Variants in MYO7B observed in about 807,000 individuals in gnomAD.
The protein encoded by MYO7B is myosin VIIB.
Under a neutral mutation model 259.7 loss-of-function variants are expected in MYO7B, and 212 were observed. That is an observed-to-expected ratio of 0.82 (90% confidence interval 0.73 to 0.91). The LOEUF (loss-of-function observed/expected upper bound fraction) is 0.91, where lower values mean the gene tolerates loss of function less well. MYO7B is among the 40% of genes least tolerant of loss of function. The pLI, the probability that MYO7B is intolerant of heterozygous loss-of-function variation, is 0.00. For missense variants in MYO7B, 2,732 were observed against 2,813.5 expected (o/e 0.97, Z 0.66); for synonymous variants, 1,197 against 1,166.4 (o/e 1.03, Z -0.54).
Position 127,636,834 on chromosome 2 carries a change from G to A in MYO7B, c.6248G>A (p.Trp2083Ter). ...TTYPFTKISS[W>*]SSGSTYFHMA... Reference sequence around the variant, plus strand: ...TATCCCTTCACCAAGATCTCCAGCTGGAGCAGCGGCAGCACCTACTTCCAC... The same window carrying A: ...TATCCCTTCACCAAGATCTCCAGCTAGAGCAGCGGCAGCACCTACTTCCAC... The change falls in exon 47 of 48, where the codon TGG becomes TAG. Residue 2083 changes from tryptophan (W) to a stop codon, truncating the protein, a stop_gained. Transcript: ENST00000409816. LOFTEE classifies it high-confidence loss of function. The surrounding 1 kb of genome is among the most constrained non-coding windows in gnomAD (Gnocchi z 4.5). 2 of 1,613,558 alleles carry A rather than the reference G, an allele frequency of 1.2e-6. No individual in the cohort carries two copies. Among genetic ancestry groups the A allele is most frequent in the Non-Finnish European group, 1.7e-6 (2 of 1,179,846 alleles).
intron 12 of MYO7B, among the ~76,000 whole-genome samples, chr2:127,583,275 G>A (rs1164619986): frequency 2.6e-5 from 4 of 152,224 alleles, no homozygotes; most frequent in African/African-American, 9.6e-5. Context: ...GAGTGATTTA[G>A]AAGGGCCCCC....
Position 127,628,468 on chromosome 2 carries a change from C to T in MYO7B, c.4557C>T (p.Ala1519=). The T allele has an allele frequency of 6.4e-7, 1 of 1,562,520 alleles. No homozygotes were observed. The highest frequency in any genetic ancestry group is 8.7e-7 in the Non-Finnish European group (1 of 1,154,700). ...GTGTGGCCATCGCTGAGCTGGTGGCCCTGTTCCTGGAGGGCCTGAAGGAGA... is the reference window on the plus strand; with the variant it reads ...GTGTGGCCATCGCTGAGCTGGTGGCTCTGTTCCTGGAGGGCCTGAAGGAGA... ...PSSVAIAELV[A]LFLEGLKERS... Residue 1519 remains alanine, a synonymous_variant, in exon 34 of 48, where the codon GCC becomes GCT. Transcript: ENST00000409816. The surrounding 1 kb of genome is among the most constrained non-coding windows in gnomAD (Gnocchi z 4.8).
In MYO7B at chr2:127,631,299, G is replaced by C; in HGVS notation, c.5031G>C (p.Gln1677His). Reference sequence around the variant, plus strand: ...CCTATTCCTGCGAGCCGCTGCGACAGCCGCTGCTCAAGCGAGTCCACGCCA... The same window carrying C: ...CCTATTCCTGCGAGCCGCTGCGACACCCGCTGCTCAAGCGAGTCCACGCCA... ...LWAYSCEPLR[Q>H]PLLKRVHANV... is the part of the protein sequence containing the mutation. Residue 1677 changes from glutamine to histidine, a missense_variant, in exon 37 of 48, where the codon CAG becomes CAC. Gln to His is a conservative substitution (Grantham distance 24). This residue lies in a region of MYO7B where 821 missense variants were observed against 769.3 expected (regional missense o/e 1.07). Transcript: ENST00000409816. 1.9e-6 allele frequency: 3 copies of C among 1,612,306 alleles called. No homozygotes were observed. The highest frequency in any genetic ancestry group is 2.5e-6 in the Non-Finnish European group (3 of 1,179,450).
intron 1 of MYO7B, among the ~76,000 whole-genome samples, chr2:127,537,898 C>T (rs181339772): frequency 2.6e-5 from 4 of 152,282 alleles, no homozygotes; most frequent in Admixed American, 6.5e-5. Flanking sequence ...CGGCAGAAGA[C>T]GAGCTCAGGA....
Position 127,612,615 on chromosome 2 carries a change from C to T in MYO7B, c.3398+12C>T, listed in dbSNP as rs372459586. On this transcript the variant is annotated intron_variant, in intron 26 of 47. Transcript: ENST00000409816. ...CGGCCCAGCCTCAGGTCAGTTCCCA[C>T]TCCCATCCCGGCCCCATTCAGAGCA... The T allele has an allele frequency of 6.8e-6, 11 of 1,609,142 alleles. No homozygotes were observed. The African/African-American group carries it at 1.5e-4, about 22-fold the overall frequency.
At position 127,582,017 on chromosome 2, in the gene MYO7B, A is replaced by G. The variant is rs375149102; in HGVS notation, c.1200+7A>G. 1 of 1,613,580 alleles carries G rather than the reference A, an allele frequency of 6.2e-7. No homozygotes were observed. On this transcript the variant is annotated splice_region_variant and intron_variant, in intron 11 of 47. Coordinates refer to ENST00000409816, the MANE Select transcript of MYO7B (RefSeq NM_001393586.1). ...GAGGGACGCCTTTGTCAAGGTACAG[A>G]GCTGAGAGAGCAGGGCTTACATGGC...
At chr2:127,625,315 G>A (rs548050947) in intron 30 of MYO7B, 53 bp from the exon 31 acceptor site, 27 of 1,445,868 alleles carry the variant, frequency 1.9e-5, no homozygotes, top group Non-Finnish European at 2.4e-5. Flanking sequence ...CCTGGGGAAG[G>A]GGGGAGCTCT....
At position 127,615,495 on chromosome 2, in the gene MYO7B, T is replaced by C. The variant is rs1680536796; in HGVS notation, c.3398+2892T>C. On this transcript the variant is annotated intron_variant, in intron 26 of 47. Transcript: ENST00000409816. The surrounding 1 kb of genome is among the most constrained non-coding windows in gnomAD (Gnocchi z 4.4). ...GAGCTTCTTCAGCCCTTAGTATTTATTGGGTAGAATGAGCAGGGAGGAGGA... is the reference window on the plus strand; with the variant it reads ...GAGCTTCTTCAGCCCTTAGTATTTACTGGGTAGAATGAGCAGGGAGGAGGA... Among the ~76,000 whole-genome samples the C allele has an allele frequency of 6.6e-6, 1 of 152,040 alleles. No individual in the cohort carries two copies. The highest frequency in any genetic ancestry group is 1.5e-5 in the Non-Finnish European group (1 of 68,018).
intron 15 of MYO7B, among the ~76,000 whole-genome samples, chr2:127,589,469 G>T (rs1411811131): frequency 6.6e-6 from 1 of 150,832 alleles, no homozygotes; most frequent in East Asian, 2.0e-4. Flanking sequence ...TAGGAGAAGT[G>T]ACTTTGTGCT....
At chr2:127,582,269 A>G (rs912572061) in intron 11 of MYO7B, 35 bp from the exon 12 acceptor site, 10 of 1,608,948 alleles carry the variant, frequency 6.2e-6, no homozygotes, top group Non-Finnish European at 8.5e-6. Context: ...CTGAGCCTCC[A>G]AGCCCAGGAT....
rs141776141 is a variant in MYO7B, at chr2:127,628,143, A to AACCCC, written c.4461-226_4461-222dup. On this transcript the variant is annotated intron_variant, in intron 33 of 47. Transcript: ENST00000409816. This position sits in a 1 kb window ranked among gnomAD's most constrained non-coding sequence, Gnocchi z 4.8. Reference sequence around the variant, plus strand: ...GCCACCTCATTATCTGCCCACAGCCAACCCCACACATGGGCTGCACCACTC... The same window carrying AACCCC: ...GCCACCTCATTATCTGCCCACAGCCAACCCCACCCCACACATGGGCTGCACCACTC... 145 of 675,972 alleles carry AACCCC rather than the reference A, an allele frequency of 2.1e-4. No individual in the cohort carries two copies. In the African/African-American group the frequency reaches 2.3e-3, roughly 11 times the overall value. The allele number at this position is 675,972 out of a possible 1,614,324, so 41.9% of individuals were successfully genotyped here.
Position 127,628,325 on chromosome 2 carries a change from A to G in MYO7B, c.4461-47A>G. On this transcript the variant is annotated intron_variant, in intron 33 of 47. Transcript: ENST00000409816. The surrounding 1 kb of genome is among the most constrained non-coding windows in gnomAD (Gnocchi z 4.8). Reference sequence around the variant, plus strand: ...CCCGAGGCTGTTTAGGGGCTGGATCAGGGGAAGGTGGAGGGGGCTCCTGGT... The same window carrying G: ...CCCGAGGCTGTTTAGGGGCTGGATCGGGGGAAGGTGGAGGGGGCTCCTGGT... 6.4e-7 allele frequency: 1 copy of G among 1,563,088 alleles called. No homozygotes were observed.
intron 1 of MYO7B, among the ~76,000 whole-genome samples, chr2:127,550,291 C>T (rs752908440): frequency 1.4e-4 from 21 of 152,256 alleles, no homozygotes; most frequent in Non-Finnish European, 2.5e-4. Flanking sequence ...AAGGGCCAGG[C>T]GCAGTGGCTC....
Position 127,590,032 on chromosome 2 carries a change from G to T in MYO7B, c.1855-60G>T. The T allele has an allele frequency of 6.5e-7, 1 of 1,538,486 alleles. No individual in the cohort carries two copies. The highest frequency in any genetic ancestry group is 1.2e-5 in the South Asian group (1 of 83,616). On this transcript the variant is annotated intron_variant, in intron 15 of 47. Transcript: ENST00000409816. The surrounding 1 kb of genome is among the most constrained non-coding windows in gnomAD (Gnocchi z 4.6). ...GCCGCAACCCTTGCTGGCCTACAGG[G>T]TCAGCTGTCCCAGGACATGGCTCCT...
At chr2:127,601,969 T>C (rs1444077900) in intron 19 of MYO7B, among the ~76,000 whole-genome samples, 2 of 152,200 alleles carry the variant, frequency 1.3e-5, no homozygotes, top group East Asian at 3.8e-4. Flanking sequence ...GGACTTACTG[T>C]ATTTAGGCCT....
Position 127,626,826 on chromosome 2 carries a change from C to T in MYO7B, c.4216-149C>T, listed in dbSNP as rs1009566300. ...GGCTGCACCAGTCCCTGGGGACGTC[C>T]CAGGTGCCTCCCTACAGGATCCATC... is the stretch of plus-strand genomic sequence containing the variant. On this transcript the variant is annotated intron_variant, in intron 31 of 47. Transcript: ENST00000409816. 4.1e-5 allele frequency: 28 copies of T among 691,296 alleles called. No homozygotes were observed. In the Admixed American group the frequency reaches 7.3e-4, roughly 18 times the overall value. The allele number at this position is 691,296 out of a possible 1,614,324, so 42.8% of individuals were successfully genotyped here. A position where few individuals can be genotyped will look rare whatever the true frequency, so the allele number is the denominator to read the frequency against.
Position 127,609,455 on chromosome 2 carries a change from G to C in MYO7B, c.2815-51G>C. ...CTGCTGGACAGTCAGCTGATGGGTTGGTTGTTACCTGAAAGCCCTGCTGAC... is the reference window on the plus strand; with the variant it reads ...CTGCTGGACAGTCAGCTGATGGGTTCGTTGTTACCTGAAAGCCCTGCTGAC... On this transcript the variant is annotated intron_variant, in intron 22 of 47. Transcript: ENST00000409816. The surrounding 1 kb of genome is among the most constrained non-coding windows in gnomAD (Gnocchi z 6.9). 1 of 1,528,138 alleles carries C rather than the reference G, an allele frequency of 6.5e-7. No individual in the cohort carries two copies. The highest frequency in any genetic ancestry group is 8.9e-7 in the Non-Finnish European group (1 of 1,120,862). The allele number at this position is 1,528,138 out of a possible 1,614,324, so 94.7% of individuals were successfully genotyped here. A position where few individuals can be genotyped will look rare whatever the true frequency, so the allele number is the denominator to read the frequency against.
intron 30 of MYO7B, 83 bp downstream of exon 30, chr2:127,624,403 G>C: frequency 7.7e-7 from 1 of 1,305,192 alleles, no homozygotes; most frequent in Non-Finnish European, 1.0e-6. Context: ...TGGCTTCTGA[G>C]GCCAGGTAGA....
At chr2:127,552,563 G>C (rs556541474) in intron 1 of MYO7B, among the ~76,000 whole-genome samples, 2 of 152,310 alleles carry the variant, frequency 1.3e-5, no homozygotes, top group South Asian at 4.1e-4. Flanking sequence ...AGACGTCTAT[G>C]GTATGTGACA....
Sources: allele counts gnomAD v4.1 joint callset (sites outside exome capture counted in the v4.1 genomes callset), GRCh38; gene constraint gnomAD v4.1.1; regional missense constraint gnomAD v4.1.1; non-coding constraint Gnocchi (gnomAD v3.1); transcripts MANE v1.5; gene names NCBI Gene and HGNC (gene_info 2026-07-23, HGNC 2026-07-21).